ITGA1: variants seen among roughly 807,000 people sequenced by gnomAD.
ITGA1 encodes the protein integrin subunit alpha 1, also known as integrin alpha-1.
A neutral mutation model predicts 145.9 loss-of-function variants in ITGA1; 85 were observed. The ratio of observed to expected loss-of-function variants is 0.58; its 90% CI spans 0.49 to 0.70. The LOEUF is 0.70. ITGA1 is among the 30% of genes least tolerant of loss of function. ITGA1 has a pLI of 0.00. For synonymous variants in ITGA1, 520 were observed against 495.3 expected, an observed-to-expected ratio of 1.05 and a Z score of -0.66; for missense variants, 1,351 against 1,418.7, an observed-to-expected ratio of 0.95 and a Z score of 0.77.
intron 7 of ITGA1, among the ~76,000 whole-genome samples, chr5:52,885,274 T>C (rs930348060): frequency 6.6e-6 from 1 of 152,184 alleles, no homozygotes; most frequent in Non-Finnish European, 1.5e-5. Context: ...CCCCTCAATC[T>C]TTCCTGGAGA....
intron 20 of ITGA1, 131 bp downstream of exon 20, chr5:52,927,795 C>T: frequency 3.2e-6 from 2 of 632,336 alleles, no homozygotes; most frequent in Non-Finnish European, 5.5e-6. Context: ...AAAATTGTGA[C>T]AGATTGGAAT....
intron 11 of ITGA1, chr5:52,903,825 C>G (rs1273816265): frequency 2.0e-5 from 3 of 152,150 alleles, no homozygotes; most frequent in African/African-American, 7.2e-5. Flanking sequence ...ACACAAAGAA[C>G]AAATCTAACT....
intron 8 of ITGA1, among the ~76,000 whole-genome samples, chr5:52,890,212 C>A (rs1463556376): frequency 6.6e-6 from 1 of 152,112 alleles, no homozygotes; most frequent in Non-Finnish European, 1.5e-5. Flanking sequence ...ATTCCTCAAC[C>A]CTGGCTCTAC....
intron 23 of ITGA1, among the ~76,000 whole-genome samples, chr5:52,934,458 A>G (rs924325056): frequency 2.6e-5 from 4 of 151,892 alleles, no homozygotes; most frequent in South Asian, 2.1e-4. Context: ...TTTTTTACTT[A>G]ACAAATAAGT....
intron 1 of ITGA1, among the ~76,000 whole-genome samples, chr5:52,838,152 G>A (rs867166397): frequency 1.2e-4 from 19 of 152,302 alleles, no homozygotes; most frequent in Middle Eastern, 3.4e-3. Context: ...GAAATATTTG[G>A]TAGTGAATGA....
chr5:52,906,097 G>A (rs7701575), intron 12 of ITGA1, among the ~76,000 whole-genome samples, 189 bp downstream of exon 12: 10,449 of 152,152 alleles, frequency 0.069, 618 homozygotes, highest in Admixed American at 0.19. Context: ...GGATGGGTGT[G>A]GAGGTAAGAT....
chr5:52,894,085 G>A (rs941657388), intron 9 of ITGA1, among the ~76,000 whole-genome samples: 7 of 152,082 alleles, frequency 4.6e-5, no homozygotes, highest in Admixed American at 6.6e-5. Flanking sequence ...TGGGACAGCC[G>A]ATGAAGACAA....
intron 15 of ITGA1, 90 bp from the exon 16 acceptor site, chr5:52,918,642 C>T: frequency 1.6e-6 from 2 of 1,264,134 alleles, no homozygotes; most frequent in Non-Finnish European, 2.2e-6. Flanking sequence ...GAAGCAGAAC[C>T]CTCTTCCATG....
intron 1 of ITGA1, among the ~76,000 whole-genome samples, chr5:52,814,000 C>T (rs1484697659): frequency 6.6e-6 from 1 of 152,174 alleles, no homozygotes; most frequent in Non-Finnish European, 1.5e-5. Context: ...CCAGCTCAGC[C>T]ACTTGCTGGA....
rs1016192553 is a variant in ITGA1, at chr5:52,918,618, G to A, written c.1989-114G>A. The A allele has an allele frequency of 5.5e-5, 47 of 860,428 alleles. No homozygotes were observed. The East Asian group carries it at 6.0e-4, about 11-fold the overall frequency. 53.3% of individuals were successfully genotyped at this position (860,428 alleles called of 1,614,324 possible). A position where few individuals can be genotyped will look rare whatever the true frequency, so the allele number is the denominator to read the frequency against. ...TAATTAAAGAAATGGAGTCCTGAGC[G>A]CTGTATTATACATGAAGCAGAACCC... is the stretch of plus-strand genomic sequence containing the variant. On this transcript the variant is annotated intron_variant, in intron 15 of 28. Transcript: ENST00000282588.
chr5:52,789,132 A>G (rs1748189240), intron 1 of ITGA1, among the ~76,000 whole-genome samples: 1 of 152,204 alleles, frequency 6.6e-6, no homozygotes, highest in Non-Finnish European at 1.5e-5. Flanking sequence ...GTTGTATCCA[A>G]TTTAGAAAAA....
chr5:52,841,515 G>C (rs948021270), intron 1 of ITGA1, among the ~76,000 whole-genome samples: 3 of 152,046 alleles, frequency 2.0e-5, no homozygotes, highest in Non-Finnish European at 4.4e-5. Flanking sequence ...AGAGTTTTTG[G>C]ATTCAGTTAT....
chr5:52,891,109 T>G (rs778394739), intron 8 of ITGA1, among the ~76,000 whole-genome samples: 17 of 152,218 alleles, frequency 1.1e-4, no homozygotes, highest in Non-Finnish European at 2.4e-4. Context: ...ATACCATGTT[T>G]TTTTAAATCC....
chr5:52,952,706 T>TA lies in ITGA1; in HGVS notation c.*262dup. 2 of 197,562 alleles carry TA rather than the reference T, an allele frequency of 1.0e-5. No homozygotes were observed. The highest frequency in any genetic ancestry group is 2.1e-5 in the Non-Finnish European group (2 of 96,230). 12.2% of individuals were successfully genotyped at this position (197,562 alleles called of 1,614,324 possible). A position where few individuals can be genotyped will look rare whatever the true frequency, so the allele number is the denominator to read the frequency against. On this transcript the variant is annotated 3_prime_UTR_variant, in exon 29 of 29. Transcript: ENST00000282588. Reference sequence around the variant, plus strand: ...AGTAAGCAAAATTACAAAGTGTTTTTAAAAAAACCTGTACAAATATGTTTA... The same window carrying TA: ...AGTAAGCAAAATTACAAAGTGTTTTTAAAAAAAACCTGTACAAATATGTTTA...
At chr5:52,881,243 C>T (rs546739711) in intron 6 of ITGA1, among the ~76,000 whole-genome samples, 1 of 152,274 alleles carries the variant, frequency 6.6e-6, no homozygotes, top group Non-Finnish European at 1.5e-5. Flanking sequence ...TCATGGTGCC[C>T]TCTTCTTTCC....
At position 52,871,655 on chromosome 5, in the gene ITGA1, C is replaced by T. The variant is rs375982186; in HGVS notation, c.624+5838C>T. On this transcript the variant is annotated intron_variant, in intron 6 of 28. Transcript: ENST00000282588. ...GGAAAGGGGGAAGGAAGGAAGGAAA[C>T]TTACATTAAGTTTTCCATGTGACAA... Among the ~76,000 whole-genome samples the T allele has an allele frequency of 3.0e-3, 359 of 119,282 alleles. 1 individual carries two copies. The highest frequency in any genetic ancestry group is 0.011 in the African/African-American group (344 of 31,404). The allele number at this position is 119,282 out of a possible 152,430, so 78.3% of individuals were successfully genotyped here. A position where few individuals can be genotyped will look rare whatever the true frequency, so the allele number is the denominator to read the frequency against.
chr5:52,800,509 C>T lies in ITGA1; in HGVS notation c.61+12095C>T, dbSNP rs757292312. 6 of 1,614,128 alleles carry T rather than the reference C, an allele frequency of 3.7e-6. No homozygotes were observed. The South Asian group carries it at 5.5e-5, about 15-fold the overall frequency. On this transcript the variant is annotated intron_variant, in intron 1 of 28. Transcript: ENST00000282588. ...CAACCTCGTGCAGGTGGGCGACAGC[C>T]TGCGCGCCTCCACCATCCGCAAGGT...
Position 52,947,407 on chromosome 5 carries a change from G to A in ITGA1, c.3441G>A (p.Leu1147=), listed in dbSNP as rs1751151563. 1 of 1,613,752 alleles carries A rather than the reference G, an allele frequency of 6.2e-7. No homozygotes were observed. ...PGRVPLWVIL[L]SAFAGLLLLM... Reference sequence around the variant, plus strand: ...GAGTGCCATTATGGGTCATCCTGCTGAGTGCTTTTGCCGGATTGTTGCTGT... The same window carrying A: ...GAGTGCCATTATGGGTCATCCTGCTAAGTGCTTTTGCCGGATTGTTGCTGT... Residue 1147 remains leucine, a synonymous_variant, in exon 28 of 29, where the codon CTG becomes CTA. Transcript: ENST00000282588.
At chr5:52,819,176 G>T (rs978232667) in intron 1 of ITGA1, among the ~76,000 whole-genome samples, 2 of 152,142 alleles carry the variant, frequency 1.3e-5, no homozygotes, top group East Asian at 1.9e-4. Flanking sequence ...ATGGGATGGT[G>T]GGGTCAAATG....
Sources: gnomAD v4.1 joint callset for allele counts (sites outside exome capture counted in the v4.1 genomes callset) on GRCh38, gnomAD v4.1.1 for gene constraint, MANE v1.5 for transcripts, NCBI Gene and HGNC (gene_info 2026-07-23, HGNC 2026-07-21) for gene names.